The following AJAP1 variants were observed in gnomAD, a reference collection of about 807,000 sequenced individuals.
The protein encoded by AJAP1 is adherens junction-associated protein 1.
Under a neutral mutation model 35.0 loss-of-function variants are expected in AJAP1, and 5 were observed. The ratio of observed to expected loss-of-function variants is 0.14; its 90% CI spans 0.07 to 0.30. AJAP1 has a LOEUF of 0.30. AJAP1 is among the 10% of genes least tolerant of loss of function. The probability of loss-of-function intolerance (pLI) is 1.00; values close to 1 mark genes in which losing one functional copy is unlikely to be tolerated. For synonymous variants in AJAP1, 284 were observed against 249.3 expected, an observed-to-expected ratio of 1.14 and a Z score of -1.31; for missense variants, 586 against 571.0, an observed-to-expected ratio of 1.03 and a Z score of -0.27.
chr1:4,698,331 G>A (rs1290827405), intron 1 of AJAP1, among the ~76,000 whole-genome samples: 1 of 152,178 alleles, frequency 6.6e-6, no homozygotes, highest in African/African-American at 2.4e-5. Flanking sequence ...CTCCCTGGAG[G>A]CCACCAAATG....
intron 2 of AJAP1, among the ~76,000 whole-genome samples, chr1:4,713,438 A>G (rs1307621596): frequency 2.0e-5 from 3 of 152,152 alleles, no homozygotes; most frequent in Non-Finnish European, 2.9e-5. Context: ...TGGCTTTGGA[A>G]TATCTCCTTC....
At chr1:4,727,356 G>A (rs1345891960) in intron 2 of AJAP1, among the ~76,000 whole-genome samples, 11 of 152,206 alleles carry the variant, frequency 7.2e-5, no homozygotes, top group Non-Finnish European at 1.5e-4. Context: ...AGCCCATTGC[G>A]TTTGCCTCCA....
Position 4,774,501 on chromosome 1 carries a change from T to A in AJAP1, c.*2T>A. 6.2e-7 allele frequency: 1 copy of A among 1,614,096 alleles called. No individual in the cohort carries two copies. The highest frequency in any genetic ancestry group is 1.1e-5 in the South Asian group (1 of 91,084). ...AAATGGTTTGAAATCTCCTGCTGAC[T>A]GGCCGAAGTCTTTTTTACCTCCTGG... On this transcript the variant is annotated 3_prime_UTR_variant, in exon 5 of 6. Coordinates refer to ENST00000378191, the MANE Select transcript of AJAP1 (RefSeq NM_018836.4).
rs2100231332 is a variant in AJAP1, at chr1:4,693,900, C to T, written c.30-18000C>T. On this transcript the variant is annotated intron_variant, in intron 1 of 5. Transcript: ENST00000378191. The surrounding 1 kb of genome is among the most constrained non-coding windows in gnomAD (Gnocchi z 4.4). Reference sequence around the variant, plus strand: ...GCCTTCAGGGCCCCCTCACCTCTTACAGGTCCCACCTCAGTGCTGTGGCAC... The same window carrying T: ...GCCTTCAGGGCCCCCTCACCTCTTATAGGTCCCACCTCAGTGCTGTGGCAC... Among the ~76,000 whole-genome samples, 1 of 152,340 alleles carries T rather than the reference C, an allele frequency of 6.6e-6. No individual in the cohort carries two copies. Among genetic ancestry groups the T allele is most frequent in the Non-Finnish European group, 1.5e-5 (1 of 68,032 alleles).
intron 1 of AJAP1, among the ~76,000 whole-genome samples, chr1:4,706,221 G>T (rs1025095112): frequency 6.6e-6 from 1 of 152,170 alleles, no homozygotes; most frequent in African/African-American, 2.4e-5. Context: ...GCACTGCTGT[G>T]TCATAGAACA....
chr1:4,676,039 C>T lies in AJAP1; in HGVS notation c.29+20585C>T, dbSNP rs368482295. ...CCAGCTCTGTGTCCTCGTGCAGGGA[C>T]GGCCTCTCTCTAGGTAGCTTGCTAC... On this transcript the variant is annotated intron_variant, in intron 1 of 5. Transcript: ENST00000378191. Among the ~76,000 whole-genome samples, 72 of 152,302 alleles carry T rather than the reference C, an allele frequency of 4.7e-4. 1 individual carries two copies. In the East Asian group the frequency reaches 9.9e-3, roughly 21 times the overall value.
At chr1:4,763,376 A>G (rs962626196) in intron 2 of AJAP1, among the ~76,000 whole-genome samples, 1 of 152,210 alleles carries the variant, frequency 6.6e-6, no homozygotes, top group Admixed American at 6.5e-5. Context: ...TTTCTGTAGC[A>G]TGTGATCCTG....
chr1:4,674,794 G>A (rs76335366), intron 1 of AJAP1, among the ~76,000 whole-genome samples: 36 of 152,368 alleles, frequency 2.4e-4, no homozygotes, highest in Non-Finnish European at 4.4e-4. Context: ...TGCTTGTCTC[G>A]TGTTTTGGAT....
At position 4,782,646 on chromosome 1, in the gene AJAP1, A is replaced by G; in HGVS notation, c.*161A>G. 2.5e-6 allele frequency: 1 copy of G among 398,228 alleles called. No individual in the cohort carries two copies. Among genetic ancestry groups the G allele is most frequent in the Non-Finnish European group, 4.4e-6 (1 of 226,038 alleles). 24.7% of individuals were successfully genotyped at this position (398,228 alleles called of 1,614,324 possible). Reference sequence around the variant, plus strand: ...AAGGGGGAGGGTCCCCGCACCTACCACTTCTGTTTGCCGGTGGGAAACTCA... The same window carrying G: ...AAGGGGGAGGGTCCCCGCACCTACCGCTTCTGTTTGCCGGTGGGAAACTCA... On this transcript the variant is annotated 3_prime_UTR_variant, in exon 6 of 6. Coordinates refer to ENST00000378191, the MANE Select transcript of AJAP1 (RefSeq NM_018836.4). This position sits in a 1 kb window ranked among gnomAD's most constrained non-coding sequence, Gnocchi z 5.3.
At position 4,701,493 on chromosome 1, in the gene AJAP1, C is replaced by T. The variant is rs140360659; in HGVS notation, c.30-10407C>T. Among the ~76,000 whole-genome samples, 917 of 152,314 alleles carry T rather than the reference C, an allele frequency of 6.0e-3. 4 individuals carry two copies. The highest frequency in any genetic ancestry group is 0.021 in the African/African-American group (866 of 41,582). On this transcript the variant is annotated intron_variant, in intron 1 of 5. Transcript: ENST00000378191. ...TCTTTCCTCTTGGAGATGAGACCAT[C>T]GTTCCTCCCTTACTGGGACTGGGAG...
In AJAP1 at chr1:4,789,383, A is replaced by G. The variant is rs1642217578; in HGVS notation, c.*6898A>G. On this transcript the variant is annotated 3_prime_UTR_variant, in exon 6 of 6. Transcript: ENST00000378191. The surrounding 1 kb of genome is among the most constrained non-coding windows in gnomAD (Gnocchi z 4.4). ...GGATTCCATAGTAAAACATCTGTTA[A>G]GTAACATGCGGCAGGAAAGGATGCA... The G allele has an allele frequency of 1.3e-5, 2 of 152,240 alleles. No homozygotes were observed. Among genetic ancestry groups the G allele is most frequent in the Non-Finnish European group, 2.9e-5 (2 of 68,048 alleles). 9.4% of individuals were successfully genotyped at this position (152,240 alleles called of 1,614,324 possible). A position where few individuals can be genotyped will look rare whatever the true frequency, so the allele number is the denominator to read the frequency against.
chr1:4,735,013 C>T (rs1307699042), intron 2 of AJAP1, among the ~76,000 whole-genome samples: 3 of 152,228 alleles, frequency 2.0e-5, no homozygotes, highest in Non-Finnish European at 4.4e-5. Flanking sequence ...ACCTCAACTT[C>T]CCTGGGAGCC....
rs954191551 is a variant in AJAP1 at position 4,792,291 on chromosome 1, C to A, written c.*9806C>A. 2.9e-5 allele frequency: 4 copies of A among 138,654 alleles called. No homozygotes were observed. The highest frequency in any genetic ancestry group is 2.8e-5 in the African/African-American group (1 of 36,270). The allele number at this position is 138,654 out of a possible 1,614,324, so 8.6% of individuals were successfully genotyped here. On this transcript the variant is annotated 3_prime_UTR_variant, in exon 6 of 6. Transcript: ENST00000378191. ...GTGTTTCTTTTCTTTAAATGCATATCATAATCATGTTAATAAACAAAAATG... is the reference window on the plus strand; with the variant it reads ...GTGTTTCTTTTCTTTAAATGCATATAATAATCATGTTAATAAACAAAAATG...
chr1:4,715,867 G>A (rs1640377327), intron 2 of AJAP1, among the ~76,000 whole-genome samples: 1 of 152,170 alleles, frequency 6.6e-6, no homozygotes, highest in Non-Finnish European at 1.5e-5. Flanking sequence ...AGGCTGCCAG[G>A]GACTTGGGAG....
At chr1:4,722,180 C>T (rs557830939) in intron 2 of AJAP1, among the ~76,000 whole-genome samples, 2 of 152,186 alleles carry the variant, frequency 1.3e-5, no homozygotes, top group East Asian at 1.9e-4. Context: ...TGGTTGCATG[C>T]GGGGGAACTT....
chr1:4,721,733 C>T, intron 2 of AJAP1, among the ~76,000 whole-genome samples: 1 of 152,266 alleles, frequency 6.6e-6, no homozygotes, highest in African/African-American at 2.4e-5. Context: ...AAAGAAAGGC[C>T]AGACTCTCCT....
At chr1:4,729,502 T>C (rs570410869) in intron 2 of AJAP1, among the ~76,000 whole-genome samples, 1 of 152,300 alleles carries the variant, frequency 6.6e-6, no homozygotes, top group Non-Finnish European at 1.5e-5. Context: ...AGTTGCTCGT[T>C]GAAGTATGGG....
Position 4,787,858 on chromosome 1 carries a change from C to A in AJAP1, c.*5373C>A. 1 of 430,118 alleles carries A rather than the reference C, an allele frequency of 2.3e-6. No individual in the cohort carries two copies. The highest frequency in any genetic ancestry group is 4.7e-6 in the Non-Finnish European group (1 of 211,536). 26.6% of individuals were successfully genotyped at this position (430,118 alleles called of 1,614,324 possible). On this transcript the variant is annotated 3_prime_UTR_variant, in exon 6 of 6. Coordinates refer to ENST00000378191, the MANE Select transcript of AJAP1 (RefSeq NM_018836.4). ...GCTGCATCTCCAGAAGCTCCCCCAG[C>A]ACTGAGCTCACTTAGTGGCATCCTT... is the stretch of plus-strand genomic sequence containing the variant.
chr1:4,671,585 C>T (rs1570094679), intron 1 of AJAP1, among the ~76,000 whole-genome samples: 1 of 152,058 alleles, frequency 6.6e-6, no homozygotes, highest in Non-Finnish European at 1.5e-5. Context: ...GGAACAAATG[C>T]ACCACCAGGA....
Sources: gnomAD v4.1 joint callset for allele counts (sites outside exome capture counted in the v4.1 genomes callset) on GRCh38, gnomAD v4.1.1 for gene constraint, Gnocchi (gnomAD v3.1) non-coding constraint, MANE v1.5 for transcripts, NCBI Gene and HGNC (gene_info 2026-07-23, HGNC 2026-07-21) for gene names.